Variants in PROM1 observed in about 807,000 individuals in gnomAD.
PROM1 encodes the protein prominin 1.
Under a neutral mutation model 116.9 loss-of-function variants are expected in PROM1, and 105 were observed. That is an observed-to-expected ratio of 0.90 (90% confidence interval 0.77 to 1.06). The LOEUF is 1.06. Ranked by LOEUF, PROM1 falls within the 50% of genes least tolerant of loss-of-function variation. The pLI is 0.00. For missense variants in PROM1, 1,122 were observed against 1,045.2 expected (o/e 1.07, Z -1.01); for synonymous variants, 393 against 387.0 (o/e 1.02, Z -0.18).
chr4:15,990,417 G>A (rs1720681078), intron 18 of PROM1, among the ~76,000 whole-genome samples: 1 of 152,174 alleles, frequency 6.6e-6, no homozygotes, highest in Non-Finnish European at 1.5e-5. Context: ...AAGCTTATGG[G>A]GCTGGGGTGG....
rs578021480 is a variant in PROM1 at position 16,039,099 on chromosome 4, C to A, written c.221-98G>T. Reference sequence around the variant, plus strand: ...CTTTATATGCTTAAAAATTATTATACCTATATTTCTATTATTCTTATAATT... The same window carrying A: ...CTTTATATGCTTAAAAATTATTATAACTATATTTCTATTATTCTTATAATT... On this transcript the variant is annotated intron_variant, in intron 2 of 27. Coordinates refer to ENST00000447510, the MANE Select transcript of PROM1 (RefSeq NM_006017.3). 632 of 951,062 alleles carry A rather than the reference C, an allele frequency of 6.6e-4. 1 individual carries two copies. The highest frequency in any genetic ancestry group is 8.2e-4 in the Non-Finnish European group (575 of 705,472). The allele number at this position is 951,062 out of a possible 1,614,324, so 58.9% of individuals were successfully genotyped here.
chr4:16,000,864 G>A (rs749395855), intron 13 of PROM1, among the ~76,000 whole-genome samples: 6 of 149,922 alleles, frequency 4.0e-5, no homozygotes, highest in Admixed American at 6.7e-5. Context: ...CAGAGCAGGC[G>A]GGGGATCACT....
intron 2 of PROM1, among the ~76,000 whole-genome samples, chr4:16,041,676 G>A (rs1735258264): frequency 6.6e-6 from 1 of 151,652 alleles, no homozygotes. Context: ...GATCATTTGA[G>A]CCCAGGAGTT....
At chr4:16,076,283 G>T in intron 1 of PROM1, 165 bp from the exon 2 acceptor site, 1 of 205,158 alleles carries the variant, frequency 4.9e-6, no homozygotes, top group Non-Finnish European at 9.9e-6. Context: ...CACAGGGCAG[G>T]TGCTGGCATC....
chr4:15,991,294 C>T lies in PROM1; in HGVS notation c.1912-1G>A. The T allele has an allele frequency of 6.3e-7, 1 of 1,593,360 alleles. No homozygotes were observed. The highest frequency in any genetic ancestry group is 8.5e-7 in the Non-Finnish European group (1 of 1,173,106). On this transcript the variant is annotated splice_acceptor_variant, in intron 17 of 27. Coordinates refer to ENST00000447510, the MANE Select transcript of PROM1 (RefSeq NM_006017.3). LOFTEE classifies it high-confidence loss of function. ...TCACTCCTGCGGGGGATTTACCAGT[C>T]TACAATAGAAGTGAAAAAAATTGTC... is the stretch of plus-strand genomic sequence containing the variant.
chr4:16,046,637 TAGA>T (rs1290304458), intron 2 of PROM1, among the ~76,000 whole-genome samples: 12 of 152,248 alleles, frequency 7.9e-5, no homozygotes, highest in Non-Finnish European at 1.8e-4. Flanking sequence ...AAACAACCCT[TAGA>T]TATTTTATTT....
Position 15,980,497 on chromosome 4 carries a change from A to G in PROM1, c.2414T>C (p.Leu805Ser), listed in dbSNP as rs768670104. 1 of 1,555,274 alleles carries G rather than the reference A, an allele frequency of 6.4e-7. No individual in the cohort carries two copies. Among genetic ancestry groups the G allele is most frequent in the South Asian group, 1.2e-5 (1 of 84,190 alleles). ...WFGIGKATVF[L>S]LPALIFAVKL... ...TACCGCAAAAATTAGAGCCGGAAGT[A>G]AAAATACAGTAGCTTTTCCTATGCC... The change falls in exon 24 of 28, where the codon TTA (leucine) becomes TCA (serine). Residue 805 changes from leucine to serine, a missense_variant. Leu to Ser is a moderately radical substitution (Grantham distance 145). Coordinates refer to ENST00000447510, the MANE Select transcript of PROM1 (RefSeq NM_006017.3).
intron 1 of PROM1, among the ~76,000 whole-genome samples, chr4:16,081,083 C>T (rs1485124102): frequency 6.6e-6 from 1 of 151,080 alleles, no homozygotes; most frequent in Non-Finnish European, 1.5e-5. Context: ...TTTTATTATA[C>T]TTTAAGTTCT....
At chr4:16,067,655 A>T (rs537788552) in intron 2 of PROM1, among the ~76,000 whole-genome samples, 1 of 152,334 alleles carries the variant, frequency 6.6e-6, no homozygotes, top group African/African-American at 2.4e-5. Flanking sequence ...CATGAGTCAC[A>T]TGTTCTAAAG....
chr4:15,971,806 A>T (rs1400376560), intron 26 of PROM1: 1 of 152,292 alleles, frequency 6.6e-6, no homozygotes, highest in African/African-American at 2.4e-5. Flanking sequence ...TGCACGGAGG[A>T]CATCAGGGCA....
intron 2 of PROM1, among the ~76,000 whole-genome samples, chr4:16,066,225 A>G (rs1393861649): frequency 6.6e-6 from 1 of 152,186 alleles, no homozygotes; most frequent in Non-Finnish European, 1.5e-5. Context: ...GCGAAGGTCA[A>G]ATAAATACTT....
At chr4:16,076,955 G>A (rs1345659021) in intron 1 of PROM1, among the ~76,000 whole-genome samples, 1 of 152,122 alleles carries the variant, frequency 6.6e-6, no homozygotes, top group Non-Finnish European at 1.5e-5. Flanking sequence ...CATTGCGGAA[G>A]GCCGGAAGAC....
intron 9 of PROM1, among the ~76,000 whole-genome samples, chr4:16,017,506 T>A (rs1166591677): frequency 6.6e-6 from 1 of 152,338 alleles, no homozygotes; most frequent in African/African-American, 2.4e-5. Context: ...AATGTATCTA[T>A]ACTAAAATGT....
At chr4:16,042,833 T>C (rs1443002133) in intron 2 of PROM1, among the ~76,000 whole-genome samples, 1 of 152,144 alleles carries the variant, frequency 6.6e-6, no homozygotes, top group African/African-American at 2.4e-5. Context: ...GTTCACCCTA[T>C]ACATCAACGG....
intron 1 of PROM1, among the ~76,000 whole-genome samples, chr4:16,078,773 C>A (rs1176675459): frequency 6.6e-6 from 1 of 152,210 alleles, no homozygotes; most frequent in African/African-American, 2.4e-5. Flanking sequence ...AAGCTTTGGA[C>A]AACAGATGGG....
chr4:16,015,715 A>AC (rs1210751700), intron 10 of PROM1, among the ~76,000 whole-genome samples: 3 of 151,912 alleles, frequency 2.0e-5, no homozygotes, highest in Non-Finnish European at 2.9e-5. Context: ...ACAAAACAAA[A>AC]AAACAACTAA....
At chr4:16,045,319 A>C (rs1239255621) in intron 2 of PROM1, among the ~76,000 whole-genome samples, 1 of 152,140 alleles carries the variant, frequency 6.6e-6, no homozygotes, top group East Asian at 1.9e-4. Flanking sequence ...TGCCCTCTTT[A>C]TTCTTCTCTC....
chr4:16,071,301 C>G (rs1183550100), intron 2 of PROM1, among the ~76,000 whole-genome samples: 1 of 152,168 alleles, frequency 6.6e-6, no homozygotes, highest in Non-Finnish European at 1.5e-5. Context: ...ACAAATGAAA[C>G]CTCTGCTGGA....
At chr4:16,020,098 G>A (rs897821967) in intron 8 of PROM1, among the ~76,000 whole-genome samples, 3 of 152,078 alleles carry the variant, frequency 2.0e-5, no homozygotes, top group Admixed American at 2.0e-4. Context: ...ATAGCTTGTG[G>A]GGCTGAGCTC....
Sources: gnomAD v4.1 joint callset for allele counts (sites outside exome capture counted in the v4.1 genomes callset) on GRCh38, gnomAD v4.1.1 for gene constraint, MANE v1.5 for transcripts, NCBI Gene and HGNC (gene_info 2026-07-23, HGNC 2026-07-21) for gene names.